FAM168A: variants seen among roughly 807,000 people sequenced by gnomAD.
The protein encoded by FAM168A is family with sequence similarity 168 member A, also known as protein FAM168A.
A neutral mutation model predicts 28.5 loss-of-function variants in FAM168A; 3 were observed. The ratio of observed to expected loss-of-function variants is 0.11; its 90% CI spans 0.05 to 0.27. The LOEUF is 0.27. Among genes scored for constraint, FAM168A ranks in the 10% least tolerant of loss-of-function variants. The probability of loss-of-function intolerance (pLI) is 1.00; values close to 1 mark genes in which losing one functional copy is unlikely to be tolerated. For missense variants in FAM168A, 222 were observed against 311.5 expected (o/e 0.71, Z 2.16); for synonymous variants, 122 against 124.2 (o/e 0.98, Z 0.12).
intron 1 of FAM168A, among the ~76,000 whole-genome samples, chr11:73,537,444 C>T (rs1056364348): frequency 1.3e-5 from 2 of 152,078 alleles, no homozygotes; most frequent in African/African-American, 4.8e-5. Flanking sequence ...GCCTATAGTC[C>T]CAGCTACTTG....
At chr11:73,427,191 C>T (rs570320112) in intron 3 of FAM168A, among the ~76,000 whole-genome samples, 10 of 152,140 alleles carry the variant, frequency 6.6e-5, no homozygotes, top group Non-Finnish European at 1.2e-4. Flanking sequence ...CAGCGTTTCA[C>T]GGTGTTAGCC....
At chr11:73,505,210 A>C (rs1855084284) in intron 1 of FAM168A, among the ~76,000 whole-genome samples, 1 of 151,654 alleles carries the variant, frequency 6.6e-6, no homozygotes, top group South Asian at 2.1e-4. Flanking sequence ...TTCAAAAGTG[A>C]AAATTAAAAG....
intron 2 of FAM168A, among the ~76,000 whole-genome samples, chr11:73,447,296 C>T (rs1590783635): frequency 6.6e-6 from 1 of 152,182 alleles, no homozygotes; most frequent in East Asian, 1.9e-4. Context: ...CACCTGTAAT[C>T]CCAGTACTTT....
At chr11:73,502,031 G>C (rs553214840) in intron 1 of FAM168A, among the ~76,000 whole-genome samples, 3 of 151,730 alleles carry the variant, frequency 2.0e-5, no homozygotes, top group African/African-American at 7.3e-5. Context: ...AACCCCGGAG[G>C]CGGAGCTTGC....
Position 73,517,242 on chromosome 11 carries a change from G to C in FAM168A, c.-18-48750C>G, listed in dbSNP as rs114314487. On this transcript the variant is annotated intron_variant, in intron 1 of 7. Coordinates refer to ENST00000356467, the MANE Select transcript of FAM168A (RefSeq NM_015159.3). ...TTTTTAAATTTTTTGTAGAGACATT[G>C]TCATGTTGTTCACACTGGTCTTAAA... 1.0e-3 allele frequency among the ~76,000 whole-genome samples: 159 copies of C among 152,196 alleles called. 1 individual carries two copies. Among genetic ancestry groups the C allele is most frequent in the African/African-American group, 3.7e-3 (153 of 41,512 alleles).
chr11:73,459,967 G>A (rs532273901), intron 2 of FAM168A, among the ~76,000 whole-genome samples: 24 of 139,546 alleles, frequency 1.7e-4, no homozygotes, highest in African/African-American at 4.7e-4. Flanking sequence ...TGCAAGCTCC[G>A]CCTCCCGGGT....
chr11:73,427,304 A>T (rs1233929267), intron 3 of FAM168A, among the ~76,000 whole-genome samples: 2 of 151,940 alleles, frequency 1.3e-5, no homozygotes, highest in Admixed American at 1.3e-4. Context: ...AAATATGTTG[A>T]CTTTTAAAAA....
chr11:73,497,642 A>G (rs1854920423), intron 1 of FAM168A, among the ~76,000 whole-genome samples: 2 of 152,170 alleles, frequency 1.3e-5, no homozygotes, highest in South Asian at 4.1e-4. Flanking sequence ...GGGCATGGTT[A>G]AAACTCAAAA....
chr11:73,492,378 G>C (rs1286309578), intron 1 of FAM168A, among the ~76,000 whole-genome samples: 1 of 152,176 alleles, frequency 6.6e-6, no homozygotes, highest in Non-Finnish European at 1.5e-5. Context: ...CTGGCATGGT[G>C]GTTTATGCCT....
chr11:73,575,087 C>T lies in FAM168A; in HGVS notation c.-19+22836G>A, dbSNP rs544007340. Reference sequence around the variant, plus strand: ...AGGCTCATACAAGAGTAAGGGTTATCCAATGATGGTCAAAAGGTTTATCCA... The same window carrying T: ...AGGCTCATACAAGAGTAAGGGTTATTCAATGATGGTCAAAAGGTTTATCCA... On this transcript the variant is annotated intron_variant, in intron 1 of 7. Transcript: ENST00000356467. Among the ~76,000 whole-genome samples the T allele has an allele frequency of 2.0e-5, 3 of 152,244 alleles. No individual in the cohort carries two copies. In the South Asian group the frequency reaches 6.2e-4, roughly 32 times the overall value.
At chr11:73,445,132 C>T (rs1391981672) in intron 2 of FAM168A, among the ~76,000 whole-genome samples, 1 of 151,736 alleles carries the variant, frequency 6.6e-6, no homozygotes, top group East Asian at 1.9e-4. Context: ...GGTGGTGCAT[C>T]CCTGTAATCC....
chr11:73,544,930 A>T (rs1258686028), intron 1 of FAM168A, among the ~76,000 whole-genome samples: 10 of 91,534 alleles, frequency 1.1e-4, no homozygotes, highest in South Asian at 5.1e-4. Flanking sequence ...TATAATATAA[A>T]ATATATTATG....
intron 1 of FAM168A, among the ~76,000 whole-genome samples, chr11:73,531,238 A>G (rs1418469789): frequency 2.6e-5 from 4 of 152,252 alleles, no homozygotes; most frequent in Non-Finnish European, 5.9e-5. Flanking sequence ...ATAAACCTGT[A>G]GCCAAGGCTT....
intron 1 of FAM168A, among the ~76,000 whole-genome samples, chr11:73,571,657 C>T (rs1478437601): frequency 6.6e-6 from 1 of 152,158 alleles, no homozygotes; most frequent in Non-Finnish European, 1.5e-5. Flanking sequence ...CAGCCTCTGC[C>T]CACCACCACT....
At chr11:73,520,424 G>A (rs1943361085) in intron 1 of FAM168A, among the ~76,000 whole-genome samples, 1 of 152,030 alleles carries the variant, frequency 6.6e-6, no homozygotes. Flanking sequence ...ATAAATGCTG[G>A]TACTGAATAC....
At chr11:73,478,078 A>G (rs1867915737) in intron 1 of FAM168A, among the ~76,000 whole-genome samples, 1 of 152,238 alleles carries the variant, frequency 6.6e-6, no homozygotes, top group African/African-American at 2.4e-5. Context: ...TACCATTTAC[A>G]TAAAAACAAG....
intron 1 of FAM168A, among the ~76,000 whole-genome samples, chr11:73,502,037 C>G (rs953305450): frequency 6.7e-6 from 1 of 148,506 alleles, no homozygotes; most frequent in Admixed American, 6.8e-5. Flanking sequence ...GGAGGCGGAG[C>G]TTGCAGTGAG....
At position 73,401,107 on chromosome 11, in the gene FAM168A, A is replaced by ATTATT. The variant is rs1555014488; in HGVS notation, c.*5651_*5655dup. 1.3e-5 allele frequency: 2 copies of ATTATT among 149,282 alleles called. No homozygotes were observed. The highest frequency in any genetic ancestry group is 3.0e-5 in the Non-Finnish European group (2 of 67,422). The allele number at this position is 149,282 out of a possible 1,614,324, so 9.2% of individuals were successfully genotyped here. A position where few individuals can be genotyped will look rare whatever the true frequency, so the allele number is the denominator to read the frequency against. ...TATTATTATTATTATTATTATTATT[A>ATTATT]TTATTTTAAATTTTATTTCTTTTTA... is the stretch of plus-strand genomic sequence containing the variant. On this transcript the variant is annotated 3_prime_UTR_variant, in exon 8 of 8. Coordinates refer to ENST00000356467, the MANE Select transcript of FAM168A (RefSeq NM_015159.3).
chr11:73,570,986 C>G (rs1944079702), intron 1 of FAM168A, among the ~76,000 whole-genome samples: 1 of 152,054 alleles, frequency 6.6e-6, no homozygotes, highest in South Asian at 2.1e-4. Flanking sequence ...AAATAAAACA[C>G]AGACTTTGAA....
Sources: gnomAD v4.1 joint callset for allele counts (sites outside exome capture counted in the v4.1 genomes callset) on GRCh38, gnomAD v4.1.1 for gene constraint, MANE v1.5 for transcripts, NCBI Gene and HGNC (gene_info 2026-07-23, HGNC 2026-07-21) for gene names.